Variants in ELAVL4 observed in about 807,000 individuals in gnomAD.
ELAVL4 encodes the protein ELAV like RNA binding protein 4.
ELAVL4 carries 1 observed loss-of-function variant against 35.6 expected under a neutral mutation model. That is an observed-to-expected ratio of 0.03 (90% CI 0.01 to 0.13). ELAVL4 has a LOEUF of 0.13. Ranked by LOEUF, ELAVL4 falls within the 10% of genes least tolerant of loss-of-function variation. The pLI is 1.00. For missense variants in ELAVL4, 267 were observed against 464.9 expected, an observed-to-expected ratio of 0.57 and a Z score of 3.91; for synonymous variants, 156 against 171.0, an observed-to-expected ratio of 0.91 and a Z score of 0.69.
intron 3 of ELAVL4, chr1:50,180,692 G>A (rs928081626): frequency 4.6e-5 from 7 of 152,278 alleles, no homozygotes; most frequent in South Asian, 2.1e-4. Context: ...TTTAGTGGGA[G>A]AAAGTTCCCA....
chr1:50,113,346 G>A (rs1572219665), intron 1 of ELAVL4, among the ~76,000 whole-genome samples: 1 of 151,920 alleles, frequency 6.6e-6, no homozygotes, highest in South Asian at 2.1e-4. Context: ...TTAGCCCTGA[G>A]CATCTTAACA....
At chr1:50,184,889 G>T (rs113091513) in intron 3 of ELAVL4, among the ~76,000 whole-genome samples, 30 of 152,266 alleles carry the variant, frequency 2.0e-4, no homozygotes, top group Non-Finnish European at 3.8e-4. Context: ...ATTTCTGATT[G>T]TAGAGCTGCT....
chr1:50,085,878 G>C (rs756496268), intron 1 of ELAVL4, among the ~76,000 whole-genome samples: 2 of 152,214 alleles, frequency 1.3e-5, no homozygotes, highest in East Asian at 3.8e-4. Flanking sequence ...GGGGGAGATA[G>C]ATGCAGAGAT....
chr1:50,200,703 A>G (rs1572646328), intron 6 of ELAVL4, 148 bp from the exon 7 acceptor site: 1 of 1,442,338 alleles, frequency 6.9e-7, no homozygotes, highest in South Asian at 1.4e-5. Context: ...CATAGACATT[A>G]GTTTTTACAT....
intron 3 of ELAVL4, among the ~76,000 whole-genome samples, chr1:50,186,948 A>C (rs1206361218): frequency 6.6e-6 from 1 of 152,208 alleles, no homozygotes; most frequent in Non-Finnish European, 1.5e-5. Context: ...GCACAGAGGT[A>C]AACTGATCCT....
intron 1 of ELAVL4, among the ~76,000 whole-genome samples, chr1:50,084,160 C>T (rs1381396157): frequency 6.6e-6 from 1 of 152,166 alleles, no homozygotes; most frequent in Non-Finnish European, 1.5e-5. Flanking sequence ...CAATTAGGAA[C>T]ATATAAAACA....
intron 1 of ELAVL4, among the ~76,000 whole-genome samples, chr1:50,071,956 G>C (rs1034774366): frequency 2.0e-5 from 3 of 152,174 alleles, no homozygotes; most frequent in Non-Finnish European, 2.9e-5. Context: ...CATCCAGTAA[G>C]TAGTCAACAA....
intron 2 of ELAVL4, chr1:50,175,883 A>G (rs1277115535): frequency 6.6e-6 from 1 of 152,208 alleles, no homozygotes; most frequent in Non-Finnish European, 1.5e-5. Context: ...CCCGTACTCC[A>G]AAGAGAGCTT....
At chr1:50,197,531 T>C in intron 6 of ELAVL4, 64 bp downstream of exon 6, 1 of 1,428,154 alleles carries the variant, frequency 7.0e-7, no homozygotes, top group Non-Finnish European at 9.3e-7. Flanking sequence ...AGAATTTTTT[T>C]TTTTTAATTC....
chr1:50,189,676 C>T (rs1420980777), intron 3 of ELAVL4, among the ~76,000 whole-genome samples: 1 of 152,120 alleles, frequency 6.6e-6, no homozygotes, highest in Non-Finnish European at 1.5e-5. Flanking sequence ...GAGCTAGATT[C>T]CCAGGCTGGC....
At chr1:50,149,794 G>A (rs1042360178) in intron 2 of ELAVL4, among the ~76,000 whole-genome samples, 19 of 152,006 alleles carry the variant, frequency 1.2e-4, no homozygotes, top group African/African-American at 3.4e-4. Context: ...TGCCTGCCTC[G>A]GCCTCCCAAC....
chr1:50,052,463 T>G (rs1416271484), intron 1 of ELAVL4, among the ~76,000 whole-genome samples: 2 of 152,234 alleles, frequency 1.3e-5, no homozygotes, highest in Non-Finnish European at 2.9e-5. Flanking sequence ...AGCTGTGCAG[T>G]AGCTTCCTAA....
At chr1:50,153,183 T>C (rs1418936703) in intron 2 of ELAVL4, among the ~76,000 whole-genome samples, 1 of 152,234 alleles carries the variant, frequency 6.6e-6, no homozygotes, top group Non-Finnish European at 1.5e-5. Flanking sequence ...GAGGTTGTTT[T>C]GTTTTGTTCT....
intron 5 of ELAVL4, among the ~76,000 whole-genome samples, chr1:50,196,323 C>T (rs111922506): frequency 5.7e-4 from 87 of 152,234 alleles, no homozygotes; most frequent in African/African-American, 2.0e-3. Context: ...CCTGTCCAAG[C>T]CTGATTAGTG....
chr1:50,148,252 C>T (rs1230360529), intron 2 of ELAVL4, among the ~76,000 whole-genome samples: 1 of 152,160 alleles, frequency 6.6e-6, no homozygotes, highest in Non-Finnish European at 1.5e-5. Context: ...TATTTGGAGG[C>T]ATGTACAGGG....
At chr1:50,052,581 C>G (rs576194027) in intron 1 of ELAVL4, among the ~76,000 whole-genome samples, 1 of 152,196 alleles carries the variant, frequency 6.6e-6, no homozygotes, top group Non-Finnish European at 1.5e-5. Context: ...CATTTGAGCT[C>G]TTTGACCCTC....
At chr1:50,050,704 T>C (rs1663308984) in intron 1 of ELAVL4, among the ~76,000 whole-genome samples, 1 of 152,124 alleles carries the variant, frequency 6.6e-6, no homozygotes, top group Non-Finnish European at 1.5e-5. Context: ...TAGTTTTCAT[T>C]AGTAGCTTAA....
intron 1 of ELAVL4, among the ~76,000 whole-genome samples, chr1:50,067,489 G>A (rs988591366): frequency 6.6e-6 from 1 of 152,138 alleles, no homozygotes; most frequent in African/African-American, 2.4e-5. Context: ...ATATATGTAT[G>A]TATATAAATA....
rs1399342049 is a variant in ELAVL4 at position 50,200,896 on chromosome 1, G to T, written c.819G>T (p.Met273Ile). The T allele has an allele frequency of 6.2e-7, 1 of 1,613,986 alleles. No individual in the cohort carries two copies. The change falls in exon 7 of 7, where the codon ATG becomes ATT. Residue 273 changes from methionine to isoleucine, a missense_variant. Met to Ile is a conservative substitution (Grantham distance 10). Transcript: ENST00000371824. ...TIDGMTSLVGMNIPGHTGTGW... is the reference protein window; with the variant it reads ...TIDGMTSLVGINIPGHTGTGW... ...ATGGAATGACAAGCCTTGTGGGAAT[G>T]AACATCCCTGGTCACACAGGAACTG...
Sources: allele counts gnomAD v4.1 joint callset (sites outside exome capture counted in the v4.1 genomes callset), GRCh38; gene constraint gnomAD v4.1.1; transcripts MANE v1.5; gene names NCBI Gene and HGNC (gene_info 2026-07-23, HGNC 2026-07-21).